GAB1: variants seen among roughly 807,000 people sequenced by gnomAD.
GAB1 encodes the protein GRB2 associated binding protein 1, also known as GRB2-associated-binding protein 1.
In GAB1, 19 loss-of-function variants were observed where a neutral mutation model predicts 66.5. The ratio of observed to expected loss-of-function variants is 0.29; its 90% CI spans 0.20 to 0.42. The LOEUF is 0.42. Ranked by LOEUF, GAB1 falls within the 10% of genes least tolerant of loss-of-function variation. The probability of loss-of-function intolerance (pLI) is 1.00; values close to 1 mark genes in which losing one functional copy is unlikely to be tolerated. For synonymous variants in GAB1, 294 were observed against 301.4 expected (o/e 0.98, Z 0.25); for missense variants, 732 against 858.5 (o/e 0.85, Z 1.84).
At chr4:143,413,824 CTTTTTTTTTTT>C (rs35422180) in intron 1 of GAB1, among the ~76,000 whole-genome samples, 2 of 67,832 alleles carry the variant, frequency 2.9e-5, no homozygotes, top group African/African-American at 1.9e-4. Context: ...CCCCGCTGCC[CTTTTTTTTTTT>C]TTTTTTTTTT....
intron 6 of GAB1, among the ~76,000 whole-genome samples, chr4:143,453,016 G>T (rs776522406): frequency 6.6e-6 from 1 of 152,148 alleles, no homozygotes; most frequent in Non-Finnish European, 1.5e-5. Context: ...AGGAGAAAAG[G>T]CTAAGACAGG....
intron 1 of GAB1, among the ~76,000 whole-genome samples, chr4:143,379,059 A>G (rs1581245721): frequency 6.6e-6 from 1 of 152,268 alleles, no homozygotes; most frequent in East Asian, 1.9e-4. Context: ...GTGTTATGAA[A>G]AAAAGGGGGA....
intron 4 of GAB1, 149 bp from the exon 5 acceptor site, chr4:143,439,651 GAC>G (rs1422261259): frequency 1.0e-5 from 6 of 598,888 alleles, no homozygotes; most frequent in Non-Finnish European, 1.8e-5. Context: ...GCCAATTCAA[GAC>G]ACAGTTCTAT....
At chr4:143,369,505 C>T (rs1730027261) in intron 1 of GAB1, among the ~76,000 whole-genome samples, 1 of 152,140 alleles carries the variant, frequency 6.6e-6, no homozygotes, top group South Asian at 2.1e-4. Flanking sequence ...ATGAAAATAT[C>T]CTGTTGCTCT....
chr4:143,396,111 G>GGA, intron 1 of GAB1: 1 of 395,160 alleles, frequency 2.5e-6, no homozygotes, highest in Non-Finnish European at 5.1e-6. Flanking sequence ...GGTGAAGAAA[G>GGA]GAGAATCCAC....
At chr4:143,345,439 TC>T (rs1728956058) in intron 1 of GAB1, among the ~76,000 whole-genome samples, 1 of 152,206 alleles carries the variant, frequency 6.6e-6, no homozygotes, top group Non-Finnish European at 1.5e-5. Context: ...TCCAAACATT[TC>T]AATGTAAAAA....
At chr4:143,460,547 AC>A in intron 8 of GAB1, 60 bp downstream of exon 8, 1 of 1,522,914 alleles carries the variant, frequency 6.6e-7, no homozygotes, top group Non-Finnish European at 9.0e-7. Context: ...TCAAGCTAGA[AC>A]TGTTCTGTCT....
intron 1 of GAB1, among the ~76,000 whole-genome samples, chr4:143,362,335 C>G (rs185948774): frequency 6.6e-6 from 1 of 152,142 alleles, no homozygotes; most frequent in Non-Finnish European, 1.5e-5. Context: ...CCCCAAGAGA[C>G]GGGCTCTTAG....
intron 4 of GAB1, among the ~76,000 whole-genome samples, chr4:143,439,448 A>G (rs1163004957): frequency 2.0e-5 from 3 of 152,226 alleles, no homozygotes; most frequent in Non-Finnish European, 4.4e-5. Flanking sequence ...AAGTGACTGT[A>G]TAACCTGGTT....
At chr4:143,430,969 CTA>C in intron 2 of GAB1, among the ~76,000 whole-genome samples, 1 of 152,258 alleles carries the variant, frequency 6.6e-6, no homozygotes, top group African/African-American at 2.4e-5. Context: ...TAGGCTTTTT[CTA>C]TGTCTCAAAG....
Position 143,438,618 on chromosome 4 carries a change from T to C in GAB1, c.1195+18T>C. 2 of 1,604,946 alleles carry C rather than the reference T, an allele frequency of 1.2e-6. No homozygotes were observed. Among genetic ancestry groups the C allele is most frequent in the Non-Finnish European group, 1.7e-6 (2 of 1,175,680 alleles). ...GCGAAAAGGTCAGCTCTAGTTGACT[T>C]CTTCTCTATTAGAGGTTAATGATAG... On this transcript the variant is annotated intron_variant, in intron 4 of 9. Coordinates refer to ENST00000262994, the MANE Select transcript of GAB1 (RefSeq NM_002039.4).
chr4:143,471,499 T>C lies in GAB1; in HGVS notation c.*2310T>C, dbSNP rs765719076. On this transcript the variant is annotated 3_prime_UTR_variant, in exon 10 of 10. Transcript: ENST00000262994. ...GAAAACTCAATTTTATCAATATAAA[T>C]GTATTTTGGGTTCACATTTATGCTT... The C allele has an allele frequency of 1.3e-5, 2 of 152,190 alleles. No individual in the cohort carries two copies. The highest frequency in any genetic ancestry group is 2.4e-5 in the African/African-American group (1 of 41,454). The allele number at this position is 152,190 out of a possible 1,614,324, so 9.4% of individuals were successfully genotyped here.
Position 143,440,150 on chromosome 4 carries a change from T to C in GAB1, c.1353T>C (p.Asn451=). The change falls in exon 6 of 10, where the codon AAT becomes AAC. Residue 451 remains asparagine, a synonymous_variant. Coordinates refer to ENST00000262994, the MANE Select transcript of GAB1 (RefSeq NM_002039.4). ...TGGATGAAAATTACGTCCCAATGAATCCCAATTCACCACCACGACAACATT... is the reference window on the plus strand; with the variant it reads ...TGGATGAAAATTACGTCCCAATGAACCCCAATTCACCACCACGACAACATT... The part of the protein sequence containing the change: ...EELDENYVPM[N]PNSPPRQHSS... The C allele has an allele frequency of 6.2e-7, 1 of 1,614,134 alleles. No individual in the cohort carries two copies. The highest frequency in any genetic ancestry group is 8.5e-7 in the Non-Finnish European group (1 of 1,180,006).
intron 1 of GAB1, among the ~76,000 whole-genome samples, chr4:143,407,147 C>A (rs945047625): frequency 6.6e-6 from 1 of 152,100 alleles, no homozygotes; most frequent in Non-Finnish European, 1.5e-5. Flanking sequence ...TACCTATATA[C>A]CTTTTTTCTA....
rs1734163645 is a variant in GAB1 at position 143,440,364 on chromosome 4, C to G, written c.1567C>G (p.Leu523Val). ...TGAACCACCCCCCGTGGATAGGAAC[C>G]TCAAGCCAGACAGAAAAGGTAAGGA... is the stretch of plus-strand genomic sequence containing the variant. ...DCEPPPVDRN[L>V]KPDRKVKPAP... is the part of the protein sequence containing the mutation. The change falls in exon 6 of 10, where the codon CTC becomes GTC. Residue 523 changes from leucine (L) to valine (V), a missense_variant. Coordinates refer to ENST00000262994, the MANE Select transcript of GAB1 (RefSeq NM_002039.4). The G allele has an allele frequency of 6.2e-7, 1 of 1,611,064 alleles. No homozygotes were observed. The highest frequency in any genetic ancestry group is 8.5e-7 in the Non-Finnish European group (1 of 1,178,414).
chr4:143,454,901 T>TC (rs869182379), intron 6 of GAB1, among the ~76,000 whole-genome samples: 16 of 140,314 alleles, frequency 1.1e-4, no homozygotes, highest in African/African-American at 4.3e-4. Flanking sequence ...TTTCTCTCTC[T>TC]TTTTTTTTTA....
At chr4:143,436,951 G>GGA (rs1044314625) in intron 3 of GAB1, among the ~76,000 whole-genome samples, 13 of 152,200 alleles carry the variant, frequency 8.5e-5, no homozygotes, top group African/African-American at 2.9e-4. Context: ...CCATTCCCAG[G>GGA]GAGAGAGACG....
intron 1 of GAB1, among the ~76,000 whole-genome samples, chr4:143,356,521 A>T (rs891665757): frequency 1.3e-5 from 2 of 152,192 alleles, no homozygotes; most frequent in Non-Finnish European, 2.9e-5. Flanking sequence ...ATCAAAATGA[A>T]ACTCTGTATC....
chr4:143,345,814 A>C (rs1008808054), intron 1 of GAB1, among the ~76,000 whole-genome samples: 1 of 152,238 alleles, frequency 6.6e-6, no homozygotes, highest in African/African-American at 2.4e-5. Context: ...AATTTAAGTT[A>C]AGCAAGTTTC....
Sources: allele counts gnomAD v4.1 joint callset (sites outside exome capture counted in the v4.1 genomes callset), GRCh38; gene constraint gnomAD v4.1.1; transcripts MANE v1.5; gene names NCBI Gene and HGNC (gene_info 2026-07-23, HGNC 2026-07-21).